Variants in EVC2 observed in about 807,000 individuals in gnomAD.
EVC2 encodes limbin.
EVC2 carries 148 observed loss-of-function variants against 149.3 expected under a neutral mutation model. The observed-to-expected ratio is 0.99, with a 90% CI of 0.87 to 1.14. EVC2 has a LOEUF of 1.14. Ranked by LOEUF, EVC2 falls within the 50% of genes most tolerant of loss-of-function variation. The probability of loss-of-function intolerance (pLI) is 0.00; values close to 1 mark genes in which losing one functional copy is unlikely to be tolerated. For missense variants in EVC2, 1,854 were observed against 1,627.3 expected (o/e 1.14, Z -2.40); for synonymous variants, 776 against 649.9 (o/e 1.19, Z -2.95).
intron 1 of EVC2, among the ~76,000 whole-genome samples, chr4:5,703,490 CAA>C (rs1246524831): frequency 1.3e-5 from 2 of 152,148 alleles, no homozygotes; most frequent in African/African-American, 4.8e-5. Flanking sequence ...ATGAAATGCT[CAA>C]GTGTCCACAG....
intron 9 of EVC2, among the ~76,000 whole-genome samples, chr4:5,659,042 G>GT (rs150729418): frequency 6.6e-6 from 1 of 152,244 alleles, no homozygotes; most frequent in Non-Finnish European, 1.5e-5. Flanking sequence ...AATCCTCTCT[G>GT]TAAGAGACAG....
At chr4:5,589,592 C>T (rs1409146385) in intron 16 of EVC2, among the ~76,000 whole-genome samples, 7 of 152,170 alleles carry the variant, frequency 4.6e-5, no homozygotes, top group African/African-American at 1.4e-4. Context: ...CTGCTGGGTT[C>T]CTTCTTGCTG....
At chr4:5,590,537 T>C (rs1466162615) in intron 16 of EVC2, among the ~76,000 whole-genome samples, 4 of 152,082 alleles carry the variant, frequency 2.6e-5, no homozygotes, top group African/African-American at 9.7e-5. Context: ...TCCACCCCAA[T>C]ATCAACCAAC....
At chr4:5,553,162 G>A (rs1302587309) in intron 21 of EVC2, among the ~76,000 whole-genome samples, 1 of 152,160 alleles carries the variant, frequency 6.6e-6, no homozygotes, top group Non-Finnish European at 1.5e-5. Flanking sequence ...CTTCTGTGGA[G>A]GCCTCAGGAA....
At chr4:5,599,085 G>A (rs1013358073) in intron 16 of EVC2, among the ~76,000 whole-genome samples, 2 of 152,046 alleles carry the variant, frequency 1.3e-5, no homozygotes, top group Non-Finnish European at 2.9e-5. Flanking sequence ...GTGCTGGAGA[G>A]GATGTGGAGA....
intron 19 of EVC2, among the ~76,000 whole-genome samples, chr4:5,572,360 G>A (rs1370902223): frequency 6.6e-6 from 1 of 152,168 alleles, no homozygotes; most frequent in Non-Finnish European, 1.5e-5. Context: ...CTATTAGGAA[G>A]GGGGGCCTGC....
At chr4:5,589,560 C>T (rs897079119) in intron 16 of EVC2, among the ~76,000 whole-genome samples, 2 of 152,172 alleles carry the variant, frequency 1.3e-5, no homozygotes, top group Non-Finnish European at 2.9e-5. Context: ...CTCTTTTACT[C>T]AAAGGGTCTA....
At chr4:5,539,776 AACAC>A (rs55685347), downstream of EVC2, among the ~76,000 whole-genome samples, 37,790 of 150,282 alleles carry the variant, frequency 0.25, 5,243 homozygotes, top group East Asian at 0.66. Context: ...ATACTACAAA[AACAC>A]ACACACACAC....
chr4:5,535,788 T>C, the EVC2 span, among the ~76,000 whole-genome samples: 1 of 152,066 alleles, frequency 6.6e-6, no homozygotes. This position sits in a 1 kb window ranked among gnomAD's most constrained non-coding sequence, Gnocchi z 4.7. Context: ...ATATAAATTT[T>C]GGGGGAGAGG....
chr4:5,657,510 G>C lies in EVC2; in HGVS notation c.1145+5597C>G, dbSNP rs1718601813. On this transcript the variant is annotated intron_variant, in intron 9 of 21. Coordinates refer to ENST00000344408, the MANE Select transcript of EVC2 (RefSeq NM_147127.5). The surrounding 1 kb of genome is among the most constrained non-coding windows in gnomAD (Gnocchi z 4.7). ...CTGGAAACATGTTGTGTTGTCTTCT[G>C]GTTTGAGTAATGCTGCACCTCATCC... Among the ~76,000 whole-genome samples, 1 of 152,052 alleles carries C rather than the reference G, an allele frequency of 6.6e-6. No individual in the cohort carries two copies. Among genetic ancestry groups the C allele is most frequent in the African/African-American group, 2.4e-5 (1 of 41,408 alleles).
chr4:5,651,503 G>A (rs1342208008), intron 9 of EVC2, among the ~76,000 whole-genome samples: 1 of 152,166 alleles, frequency 6.6e-6, no homozygotes, highest in Non-Finnish European at 1.5e-5. Context: ...TAGATGGATG[G>A]ATGGATTAGT....
At chr4:5,682,429 G>A (rs1030722371) in intron 6 of EVC2, among the ~76,000 whole-genome samples, 6 of 151,694 alleles carry the variant, frequency 4.0e-5, no homozygotes, top group Admixed American at 2.0e-4. Context: ...GGAGGAGGTT[G>A]CAGTGAGCTG....
At chr4:5,611,814 T>C (rs1714843220) in intron 16 of EVC2, among the ~76,000 whole-genome samples, 2 of 152,176 alleles carry the variant, frequency 1.3e-5, no homozygotes, top group Admixed American at 1.3e-4. Flanking sequence ...ATTAGGTGCC[T>C]TAAAGGAATA....
intron 19 of EVC2, among the ~76,000 whole-genome samples, chr4:5,573,936 G>A (rs565318098): frequency 1.4e-4 from 21 of 152,320 alleles, no homozygotes; most frequent in African/African-American, 7.2e-5. Flanking sequence ...GAGAAAGAAC[G>A]GGCATGGTGG....
intron 16 of EVC2, among the ~76,000 whole-genome samples, chr4:5,601,287 TA>T (rs912646343): frequency 4.2e-4 from 63 of 150,372 alleles, no homozygotes; most frequent in African/African-American, 1.3e-3. Context: ...TGCAGGAATT[TA>T]AAAAAAAAAT....
chr4:5,639,424 G>A (rs1717147984), intron 10 of EVC2, among the ~76,000 whole-genome samples: 1 of 152,234 alleles, frequency 6.6e-6, no homozygotes, highest in African/African-American at 2.4e-5. Flanking sequence ...AAAAACAAGA[G>A]CTGATTTCTG....
In EVC2 at chr4:5,576,232, C is replaced by T. The variant is rs201800139; in HGVS notation, c.3272+8G>A. The stretch of plus-strand genomic sequence containing the variant: ...ATATCTTTGAGTGCTACGGGGCACA[C>T]GGCATACCACTGCTGATGTTGCTCC... On this transcript the variant is annotated splice_region_variant and intron_variant, in intron 18 of 21. Transcript: ENST00000344408. The surrounding 1 kb of genome is among the most constrained non-coding windows in gnomAD (Gnocchi z 4.5). 6.3e-4 allele frequency: 1,022 copies of T among 1,614,130 alleles called. 5 individuals carry two copies. In the African/African-American group the frequency reaches 7.7e-3, roughly 12 times the overall value.
chr4:5,588,938 C>T (rs984753391), intron 16 of EVC2, among the ~76,000 whole-genome samples: 12 of 152,222 alleles, frequency 7.9e-5, no homozygotes, highest in Non-Finnish European at 1.6e-4. Flanking sequence ...AATAATGGAA[C>T]ACTAGGCATA....
chr4:5,691,469 C>A (rs1390575130), intron 3 of EVC2, 136 bp from the exon 4 acceptor site: 2 of 706,720 alleles, frequency 2.8e-6, no homozygotes, highest in Non-Finnish European at 4.8e-6. Context: ...ATCTTGAAGT[C>A]TTATTTTTTA....
Sources: allele counts gnomAD v4.1 joint callset (sites outside exome capture counted in the v4.1 genomes callset), GRCh38; gene constraint gnomAD v4.1.1; non-coding constraint Gnocchi (gnomAD v3.1); transcripts MANE v1.5; gene names NCBI Gene and HGNC (gene_info 2026-07-23, HGNC 2026-07-21).